The following TNFSF4 variants were observed in gnomAD, a reference collection of about 807,000 sequenced individuals.
TNFSF4 encodes tumor necrosis factor ligand superfamily member 4.
Under a neutral mutation model 7.3 loss-of-function variants are expected in TNFSF4, and 4 were observed. The observed-to-expected ratio is 0.55, with a 90% CI of 0.27 to 1.25. The LOEUF (loss-of-function observed/expected upper bound fraction) is 1.25. TNFSF4 is among the 50% of genes most tolerant of loss of function. The pLI is 0.12. For missense variants in TNFSF4, 181 were observed against 208.8 expected (o/e 0.87, Z 0.82); for synonymous variants, 76 against 83.7 (o/e 0.91, Z 0.50).
At chr1:173,407,839 C>T in the TNFSF4 span, among the ~76,000 whole-genome samples, 2 of 152,008 alleles carry the variant, frequency 1.3e-5, no homozygotes, top group Non-Finnish European at 2.9e-5. Flanking sequence ...TTATCCCCTA[C>T]AAAATTCATA....
the TNFSF4 span, chr1:173,363,600 T>C: frequency 2.1e-6 from 1 of 483,096 alleles, no homozygotes. Context: ...GGGAGTGTCG[T>C]AGATCACTCT....
At position 173,186,885 on chromosome 1, in the gene TNFSF4, ATTTG is replaced by A; in HGVS notation, c.203-24_203-21del. The A allele has an allele frequency of 6.6e-7, 1 of 1,507,094 alleles. No homozygotes were observed. Among genetic ancestry groups the A allele is most frequent in the Non-Finnish European group, 9.0e-7 (1 of 1,114,086 alleles). 93.4% of individuals were successfully genotyped at this position (1,507,094 alleles called of 1,614,324 possible). ...TATATTCTAGGGAGGATAGGGGAAA[ATTTG>A]TTTAATTAATTCCTAAGCATAGAAT... On this transcript the variant is annotated intron_variant, in intron 2 of 2. Transcript: ENST00000281834.
chr1:173,318,662 T>A, the TNFSF4 span, among the ~76,000 whole-genome samples: 1 of 152,130 alleles, frequency 6.6e-6, no homozygotes, highest in Non-Finnish European at 1.5e-5. Context: ...CTGGTAAGGG[T>A]AAGAAAGCAA....
At chr1:173,403,063 G>A in the TNFSF4 span, among the ~76,000 whole-genome samples, 1 of 152,040 alleles carries the variant, frequency 6.6e-6, no homozygotes, top group Non-Finnish European at 1.5e-5. Flanking sequence ...TGTTGCCCAG[G>A]CTAATCTCAA....
the TNFSF4 span, among the ~76,000 whole-genome samples, chr1:173,217,417 T>C: frequency 6.6e-6 from 1 of 152,210 alleles, no homozygotes; most frequent in African/African-American, 2.4e-5. Context: ...CTATTTCTAA[T>C]TGAGCAAGTT....
At position 173,183,824 on chromosome 1, in the gene TNFSF4, C is replaced by A. The variant is rs2101976812; in HGVS notation, c.*2692G>T. 6.6e-6 allele frequency: 1 copy of A among 152,158 alleles called. No homozygotes were observed. The highest frequency in any genetic ancestry group is 3.4e-3 in the Middle Eastern group (1 of 294). The allele number at this position is 152,158 out of a possible 1,614,324, so 9.4% of individuals were successfully genotyped here. A position where few individuals can be genotyped will look rare whatever the true frequency, so the allele number is the denominator to read the frequency against. On this transcript the variant is annotated 3_prime_UTR_variant, in exon 3 of 3. Coordinates refer to ENST00000281834, the MANE Select transcript of TNFSF4 (RefSeq NM_003326.5). ...TATCAATATTAATACTCTCTGAGAG[C>A]CAGGAAAGCACTAAATACAAAATTA...
At chr1:173,316,513 C>CAAACCACACCATGA in the TNFSF4 span, among the ~76,000 whole-genome samples, 1 of 152,032 alleles carries the variant, frequency 6.6e-6, no homozygotes, top group East Asian at 1.9e-4. Flanking sequence ...TGTGAAGTAA[C>CAAACCACACCATGA]TTCCTGCCAA....
chr1:173,294,166 T>C, the TNFSF4 span, among the ~76,000 whole-genome samples: 1 of 152,118 alleles, frequency 6.6e-6, no homozygotes, highest in Non-Finnish European at 1.5e-5. Flanking sequence ...ATGTTCATCA[T>C]GGGACCATTC....
the TNFSF4 span, among the ~76,000 whole-genome samples, chr1:173,340,512 G>A: frequency 6.6e-6 from 1 of 152,092 alleles, no homozygotes; most frequent in Non-Finnish European, 1.5e-5. Flanking sequence ...AAAAGGTTAA[G>A]CAATTTAATG....
the TNFSF4 span, among the ~76,000 whole-genome samples, chr1:173,438,299 G>A: frequency 6.6e-6 from 1 of 152,098 alleles, no homozygotes; most frequent in South Asian, 2.1e-4. Flanking sequence ...TACAGGTCTA[G>A]CAAGTTTCTT....
At chr1:173,311,316 T>G in the TNFSF4 span, among the ~76,000 whole-genome samples, 1 of 152,044 alleles carries the variant, frequency 6.6e-6, no homozygotes, top group Non-Finnish European at 1.5e-5. Flanking sequence ...AAAGATATAT[T>G]AACTATAACA....
At chr1:173,188,609 T>C (rs1188123046) in intron 1 of TNFSF4, 40 bp from the exon 2 acceptor site, 2 of 1,546,342 alleles carry the variant, frequency 1.3e-6, no homozygotes, top group South Asian at 1.1e-5. Flanking sequence ...GAAAAAAACA[T>C]GAACAAATGA....
chr1:173,256,677 A>C, the TNFSF4 span, among the ~76,000 whole-genome samples: 6 of 152,186 alleles, frequency 3.9e-5, no homozygotes, highest in African/African-American at 1.4e-4. Flanking sequence ...TGAAGACAGC[A>C]TGAGGCTTCT....
At chr1:173,380,758 G>A in the TNFSF4 span, among the ~76,000 whole-genome samples, 7 of 152,008 alleles carry the variant, frequency 4.6e-5, no homozygotes, top group East Asian at 3.9e-4. Flanking sequence ...TTCTCCCAAC[G>A]CCCCTTTCCA....
At chr1:173,252,439 A>G in the TNFSF4 span, among the ~76,000 whole-genome samples, 2 of 152,156 alleles carry the variant, frequency 1.3e-5, no homozygotes, top group African/African-American at 4.8e-5. Context: ...TGCTGAAATT[A>G]AATATAGGGA....
chr1:173,322,461 C>T, the TNFSF4 span, among the ~76,000 whole-genome samples: 2,736 of 152,212 alleles, frequency 0.018, 39 homozygotes, highest in South Asian at 0.041. Context: ...CCAGCATGAG[C>T]AATACAGAAG....
At chr1:173,413,479 C>A in the TNFSF4 span, among the ~76,000 whole-genome samples, 2 of 152,156 alleles carry the variant, frequency 1.3e-5, no homozygotes, top group South Asian at 4.1e-4. Flanking sequence ...GCTGAAAATG[C>A]CAGTGTTCAT....
the TNFSF4 span, among the ~76,000 whole-genome samples, chr1:173,237,943 T>C: frequency 2.0e-5 from 3 of 152,276 alleles, no homozygotes; most frequent in East Asian, 3.9e-4. Context: ...TGAGCCAGAA[T>C]AGCCAAGGCA....
chr1:173,252,825 A>T, the TNFSF4 span, among the ~76,000 whole-genome samples: 2 of 152,200 alleles, frequency 1.3e-5, no homozygotes, highest in African/African-American at 4.8e-5. Flanking sequence ...TGGTAATAGA[A>T]AACTTCCATA....
Sources: gnomAD v4.1 joint callset for allele counts (sites outside exome capture counted in the v4.1 genomes callset) on GRCh38, gnomAD v4.1.1 for gene constraint, MANE v1.5 for transcripts, NCBI Gene and HGNC (gene_info 2026-07-23, HGNC 2026-07-21) for gene names.